Variants in JMJD1C observed in about 807,000 individuals in gnomAD.
JMJD1C encodes the protein jumonji domain-containing protein 1C.
Under a neutral mutation model 245.3 loss-of-function variants are expected in JMJD1C, and 31 were observed. The observed-to-expected ratio is 0.13, with a 90% CI of 0.09 to 0.17. The LOEUF (loss-of-function observed/expected upper bound fraction) is 0.17. Among genes scored for constraint, JMJD1C ranks in the 10% least tolerant of loss-of-function variants. The pLI, the probability that JMJD1C is intolerant of heterozygous loss-of-function variation, is 1.00. For synonymous variants in JMJD1C, 1,057 were observed against 1,017.4 expected (o/e 1.04, Z -0.74); for missense variants, 2,691 against 3,000.2 (o/e 0.90, Z 2.41).
At chr10:63,254,898 G>A (rs1384181988) in intron 3 of JMJD1C, among the ~76,000 whole-genome samples, 1 of 150,992 alleles carries the variant, frequency 6.6e-6, no homozygotes, top group Non-Finnish European at 1.5e-5. Flanking sequence ...CTGTCACCCA[G>A]GCTCAAGTGC....
Position 63,176,713 on chromosome 10 carries a change from C to T in JMJD1C, c.7225-240G>A, listed in dbSNP as rs1414939046. 5 of 389,310 alleles carry T rather than the reference C, an allele frequency of 1.3e-5. No individual in the cohort carries two copies. In the East Asian group the frequency reaches 2.0e-4, roughly 16 times the overall value. 24.1% of individuals were successfully genotyped at this position (389,310 alleles called of 1,614,324 possible). A position where few individuals can be genotyped will look rare whatever the true frequency, so the allele number is the denominator to read the frequency against. On this transcript the variant is annotated intron_variant, in intron 23 of 25. Transcript: ENST00000399262. ...CAGTTTACTACTTCCTTCTCACCAC[C>T]TCCTTCCACTATGAAGTTTCCATCT...
intron 2 of JMJD1C, chr10:63,358,746 G>A (rs149904345): frequency 6.6e-6 from 1 of 152,628 alleles, no homozygotes; most frequent in Non-Finnish European, 1.5e-5. Flanking sequence ...GTTAATAGAA[G>A]AGAATGCAAT....
At chr10:63,347,179 C>T (rs574133986) in intron 2 of JMJD1C, among the ~76,000 whole-genome samples, 257 of 151,396 alleles carry the variant, frequency 1.7e-3, no homozygotes, top group South Asian at 4.2e-3. Context: ...AGGAATTCTC[C>T]TGTCTCAGCC....
At chr10:63,225,692 T>C (rs1016021096) in intron 3 of JMJD1C, among the ~76,000 whole-genome samples, 11 of 150,834 alleles carry the variant, frequency 7.3e-5, no homozygotes, top group Admixed American at 5.3e-4. Flanking sequence ...GGCTGGAGAA[T>C]CACTTGAACC....
chr10:63,431,526 G>T (rs1950746038), intron 1 of JMJD1C, among the ~76,000 whole-genome samples: 2 of 152,160 alleles, frequency 1.3e-5, no homozygotes, highest in Non-Finnish European at 2.9e-5. Flanking sequence ...GATTTTGCTA[G>T]GTGCAATAAT....
intron 2 of JMJD1C, among the ~76,000 whole-genome samples, chr10:63,290,853 A>C (rs1180502199): frequency 6.6e-6 from 1 of 151,880 alleles, no homozygotes; most frequent in East Asian, 1.9e-4. Context: ...AAGTAACGAC[A>C]AGCTAAAAAA....
intron 3 of JMJD1C, among the ~76,000 whole-genome samples, chr10:63,253,014 T>A (rs1853320702): frequency 6.6e-6 from 1 of 152,364 alleles, no homozygotes; most frequent in East Asian, 1.9e-4. Context: ...TTATGCCTAA[T>A]AATTTACAAG....
At chr10:63,482,997 A>C (rs1953876680) in intron 1 of JMJD1C, among the ~76,000 whole-genome samples, 1 of 152,222 alleles carries the variant, frequency 6.6e-6, no homozygotes, top group Non-Finnish European at 1.5e-5. Context: ...ATCAATCATG[A>C]CCATTTTGAA....
chr10:63,186,547 C>T (rs1322386687), intron 18 of JMJD1C, among the ~76,000 whole-genome samples, 164 bp from the exon 19 acceptor site: 1 of 152,118 alleles, frequency 6.6e-6, no homozygotes, highest in African/African-American at 2.4e-5. Flanking sequence ...ATCCTTCTAC[C>T]TCAGCCTCTT....
intron 1 of JMJD1C, among the ~76,000 whole-genome samples, chr10:63,511,403 T>A (rs2133284435): frequency 6.6e-6 from 1 of 152,302 alleles, no homozygotes; most frequent in East Asian, 1.9e-4. Context: ...GTCTTTTTAC[T>A]AAAAGCAGAT....
intron 2 of JMJD1C, among the ~76,000 whole-genome samples, chr10:63,300,381 A>G (rs1859941900): frequency 6.8e-6 from 1 of 146,082 alleles, no homozygotes; most frequent in African/African-American, 2.8e-5. Context: ...CTAGATACAA[A>G]TAAGAGATTT....
At chr10:63,329,818 G>A (rs779502983) in intron 2 of JMJD1C, among the ~76,000 whole-genome samples, 11 of 152,204 alleles carry the variant, frequency 7.2e-5, no homozygotes, top group Non-Finnish European at 1.5e-4. Context: ...TATTACAAAG[G>A]GTAAACAACA....
At chr10:63,308,712 C>T (rs1323966068) in intron 2 of JMJD1C, among the ~76,000 whole-genome samples, 1 of 121,494 alleles carries the variant, frequency 8.2e-6, no homozygotes, top group East Asian at 2.4e-4. Flanking sequence ...AACTAGAAAG[C>T]CAAAAAATAA....
chr10:63,200,775 C>T (rs1188296744), intron 10 of JMJD1C, 98 bp from the exon 11 acceptor site: 1 of 1,069,560 alleles, frequency 9.3e-7, no homozygotes. Context: ...TGTGATGATA[C>T]GGTAAGACTT....
At chr10:63,280,980 C>T (rs1251589716) in intron 2 of JMJD1C, among the ~76,000 whole-genome samples, 1 of 148,396 alleles carries the variant, frequency 6.7e-6, no homozygotes, top group Non-Finnish European at 1.5e-5. Flanking sequence ...TTTTTTGAGA[C>T]GGAGTCTTGC....
intron 1 of JMJD1C, among the ~76,000 whole-genome samples, chr10:63,428,225 T>G (rs1950553105): frequency 6.6e-6 from 1 of 152,218 alleles, no homozygotes; most frequent in African/African-American, 2.4e-5. Flanking sequence ...ATCACTTTTT[T>G]TAAATAAAAT....
At chr10:63,470,585 C>T (rs1953459044), upstream of JMJD1C, among the ~76,000 whole-genome samples, 1 of 152,070 alleles carries the variant, frequency 6.6e-6, no homozygotes, top group Admixed American at 6.6e-5. Flanking sequence ...TTAATACAAA[C>T]CCAAAAATGA....
chr10:63,244,406 A>G (rs566593981), intron 3 of JMJD1C, among the ~76,000 whole-genome samples: 1 of 152,334 alleles, frequency 6.6e-6, no homozygotes, highest in East Asian at 1.9e-4. Context: ...CAAGAAAGGT[A>G]AATTATTTAA....
At chr10:63,274,514 G>A (rs1289740541) in intron 2 of JMJD1C, among the ~76,000 whole-genome samples, 1 of 152,028 alleles carries the variant, frequency 6.6e-6, no homozygotes, top group East Asian at 1.9e-4. Flanking sequence ...GCAGGGAGCT[G>A]AGATTGTGCC....
Sources: allele counts gnomAD v4.1 joint callset (sites outside exome capture counted in the v4.1 genomes callset), GRCh38; gene constraint gnomAD v4.1.1; transcripts MANE v1.5; gene names NCBI Gene and HGNC (gene_info 2026-07-23, HGNC 2026-07-21).